The following DDX60L variants were observed in gnomAD, a reference collection of about 807,000 sequenced individuals.
The protein encoded by DDX60L is probable ATP-dependent RNA helicase DDX60-like.
Under a neutral mutation model 211.6 loss-of-function variants are expected in DDX60L, and 191 were observed. The ratio of observed to expected loss-of-function variants is 0.90; its 90% CI spans 0.80 to 1.02. DDX60L has a LOEUF of 1.02. Ranked by LOEUF, DDX60L falls within the 50% of genes least tolerant of loss-of-function variation. The probability of loss-of-function intolerance (pLI) is 0.00; values close to 1 mark genes in which losing one functional copy is unlikely to be tolerated. For missense variants in DDX60L, 2,007 were observed against 1,984.1 expected (o/e 1.01, Z -0.22); for synonymous variants, 706 against 694.1 (o/e 1.02, Z -0.27).
chr4:168,384,272 C>T (rs755811452), intron 30 of DDX60L, among the ~76,000 whole-genome samples: 1 of 152,042 alleles, frequency 6.6e-6, no homozygotes, highest in Non-Finnish European at 1.5e-5. Flanking sequence ...TGCTTGAGCC[C>T]AGGAGTTTGA....
intron 29 of DDX60L, among the ~76,000 whole-genome samples, chr4:168,386,598 TA>T (rs1743925595): frequency 7.4e-5 from 1 of 13,592 alleles, no homozygotes; most frequent in African/African-American, 1.2e-4. Flanking sequence ...AGAACAAAGA[TA>T]AGAAAAGTGA....
intron 37 of DDX60L, among the ~76,000 whole-genome samples, chr4:168,359,176 T>C (rs1393506721): frequency 2.0e-5 from 3 of 152,190 alleles, no homozygotes; most frequent in Non-Finnish European, 4.4e-5. Flanking sequence ...TTATTCACTC[T>C]AGAGCAGAGT....
chr4:168,459,400 G>T (rs528747576), intron 5 of DDX60L, among the ~76,000 whole-genome samples: 1 of 151,992 alleles, frequency 6.6e-6, no homozygotes, highest in Admixed American at 6.6e-5. Context: ...GTCAGAGTCT[G>T]GTATTTTTCA....
intron 8 of DDX60L, among the ~76,000 whole-genome samples, chr4:168,451,508 A>C (rs780723296): frequency 1.3e-5 from 2 of 152,162 alleles, no homozygotes; most frequent in African/African-American, 2.4e-5. Flanking sequence ...TTCAAAGCCT[A>C]AAGAACTCTT....
intron 19 of DDX60L, among the ~76,000 whole-genome samples, chr4:168,418,934 G>C (rs1450920890): frequency 6.6e-6 from 1 of 152,162 alleles, no homozygotes; most frequent in Non-Finnish European, 1.5e-5. Context: ...GGTCAACCTT[G>C]GCCAGCTGCA....
At position 168,453,223 on chromosome 4, in the gene DDX60L, G is replaced by A. The variant is rs1331437029; in HGVS notation, c.897C>T (p.Leu299=). 1 of 1,613,378 alleles carries A rather than the reference G, an allele frequency of 6.2e-7. No homozygotes were observed. Among genetic ancestry groups the A allele is most frequent in the South Asian group, 1.1e-5 (1 of 90,998 alleles). ...EVEDFCRLRC[L]CVAFQLHLPL... ...GTAAGTGGAGTTGAAAAGCCACACAGAGGCAACGCAGTCTGCAGAAATCTT... is the reference window on the plus strand; with the variant it reads ...GTAAGTGGAGTTGAAAAGCCACACAAAGGCAACGCAGTCTGCAGAAATCTT... Residue 299 remains leucine (L), a synonymous_variant, in exon 8 of 38, where the codon CTC becomes CTT. Coordinates refer to ENST00000682922, the MANE Select transcript of DDX60L (RefSeq NM_001012967.3).
At chr4:168,455,822 A>G (rs1415183468) in intron 7 of DDX60L, among the ~76,000 whole-genome samples, 2 of 152,196 alleles carry the variant, frequency 1.3e-5, no homozygotes, top group African/African-American at 4.8e-5. Flanking sequence ...GTAACATAAT[A>G]TTTTCTTATG....
chr4:168,390,584 T>G, intron 29 of DDX60L: 2 of 953,596 alleles, frequency 2.1e-6, no homozygotes, highest in Non-Finnish European at 3.0e-6. Context: ...AATGATAAAA[T>G]TTATATTTTA....
intron 10 of DDX60L, among the ~76,000 whole-genome samples, chr4:168,440,105 A>G (rs1019989650): frequency 6.6e-6 from 1 of 152,246 alleles, no homozygotes; most frequent in Non-Finnish European, 1.5e-5. Context: ...TACACCTGTA[A>G]TCCCAGCAGT....
chr4:168,456,872 A>C (rs961402954), intron 6 of DDX60L, among the ~76,000 whole-genome samples: 6 of 152,188 alleles, frequency 3.9e-5, no homozygotes, highest in African/African-American at 1.4e-4. Context: ...AAAAATTCTT[A>C]ATGACAAGAA....
rs564337276 is a variant in DDX60L, at chr4:168,362,548, C to A, written c.4929-1337G>T. 5.3e-5 allele frequency among the ~76,000 whole-genome samples: 8 copies of A among 152,306 alleles called. No individual in the cohort carries two copies. The South Asian group carries it at 1.2e-3, about 24-fold the overall frequency. On this transcript the variant is annotated intron_variant, in intron 36 of 37. Transcript: ENST00000682922. ...TGCTGGCACACTGAACCAAAATATTCCTGCCCCAAATAACCAGCTCAGTGC... is the reference window on the plus strand; with the variant it reads ...TGCTGGCACACTGAACCAAAATATTACTGCCCCAAATAACCAGCTCAGTGC...
chr4:168,455,910 T>C (rs982785553), intron 7 of DDX60L, 129 bp downstream of exon 7: 1 of 610,214 alleles, frequency 1.6e-6, no homozygotes, highest in African/African-American at 2.0e-5. Flanking sequence ...AAATTCCTAA[T>C]GAAGAAAATG....
chr4:168,471,420 G>A (rs1006570238), intron 4 of DDX60L: 3 of 182,002 alleles, frequency 1.6e-5, no homozygotes, highest in East Asian at 2.8e-4. Flanking sequence ...GCTTGCTGGT[G>A]CTTACCACAG....
At chr4:168,373,550 C>T (rs1741397228) in intron 35 of DDX60L, 116 bp downstream of exon 35, 4 of 1,021,894 alleles carry the variant, frequency 3.9e-6, no homozygotes, top group Non-Finnish European at 5.9e-6. Context: ...CAATGATGCT[C>T]ATCAGTGGAC....
intron 10 of DDX60L, among the ~76,000 whole-genome samples, chr4:168,435,742 C>T (rs754559348): frequency 1.2e-4 from 18 of 152,070 alleles, no homozygotes; most frequent in Admixed American, 5.2e-4. Flanking sequence ...GGGAATTTTC[C>T]GGAAGAAATT....
intron 31 of DDX60L, 94 bp from the exon 32 acceptor site, chr4:168,379,598 C>CAA: frequency 8.5e-7 from 1 of 1,182,334 alleles, no homozygotes; most frequent in South Asian, 1.6e-5. Flanking sequence ...TACCTGACTT[C>CAA]ATTTATTAAT....
rs77742277 is a variant in DDX60L at position 168,472,730 on chromosome 4, G to A, written c.-31C>T. 9.5e-4 allele frequency: 1,531 copies of A among 1,609,856 alleles called. 26 individuals are homozygous for A. The East Asian group carries it at 0.027, about 28-fold the overall frequency. ...CTGCTTCTTGGGCTACAGGGTAGAA[G>A]AGTAGAGCTGGAATTTATTAAATAT... On this transcript the variant is annotated 5_prime_UTR_variant, in exon 2 of 38. Coordinates refer to ENST00000682922, the MANE Select transcript of DDX60L (RefSeq NM_001012967.3).
chr4:168,410,082 G>GTACCTTATAATCCAGTAA (rs1748423502), intron 22 of DDX60L, among the ~76,000 whole-genome samples: 2 of 151,918 alleles, frequency 1.3e-5, no homozygotes, highest in Non-Finnish European at 2.9e-5. Flanking sequence ...TAATCCAGGG[G>GTACCTTATAATCCAGTAA]TGAAAAAGTG....
rs750460642 is a variant in DDX60L at position 168,441,333 on chromosome 4, G to A, written c.1294+4C>T. ...TGTTCCACTTTAATTTACCCATTTA[G>A]TACCTTGAATGACCGATTTCTCTTG... On this transcript the variant is annotated splice_donor_region_variant and intron_variant, in intron 10 of 37. Transcript: ENST00000682922. The A allele has an allele frequency of 1.9e-6, 3 of 1,601,572 alleles. No individual in the cohort carries two copies. Among genetic ancestry groups the A allele is most frequent in the Non-Finnish European group, 2.6e-6 (3 of 1,174,250 alleles).
Sources: allele counts gnomAD v4.1 joint callset (sites outside exome capture counted in the v4.1 genomes callset), GRCh38; gene constraint gnomAD v4.1.1; transcripts MANE v1.5; gene names NCBI Gene and HGNC (gene_info 2026-07-23, HGNC 2026-07-21).